The following DTNA variants were observed in gnomAD, a reference collection of about 807,000 sequenced individuals.
DTNA encodes dystrobrevin alpha.
DTNA carries 43 observed loss-of-function variants against 100.7 expected under a neutral mutation model. The observed-to-expected ratio is 0.43, with a 90% CI of 0.33 to 0.55. DTNA has a LOEUF of 0.55. DTNA is among the 20% of genes least tolerant of loss of function. DTNA has a pLI of 0.04. For synonymous variants in DTNA, 349 were observed against 347.9 expected (o/e 1.00, Z -0.04); for missense variants, 798 against 953.9 (o/e 0.84, Z 2.15).
At chr18:34,501,669 T>A (rs1005453380) in intron 1 of DTNA, among the ~76,000 whole-genome samples, 1 of 152,204 alleles carries the variant, frequency 6.6e-6, no homozygotes, top group Non-Finnish European at 1.5e-5. Context: ...GTGCTAGGGC[T>A]GACATAAAAT....
chr18:34,525,177 A>T (rs1312499964), intron 1 of DTNA, among the ~76,000 whole-genome samples: 1 of 152,164 alleles, frequency 6.6e-6, no homozygotes, highest in Non-Finnish European at 1.5e-5. Flanking sequence ...TGACTCCCAA[A>T]GAATAATGAG....
intron 1 of DTNA, among the ~76,000 whole-genome samples, chr18:34,642,998 C>G (rs1288187844): frequency 6.6e-6 from 1 of 152,232 alleles, no homozygotes; most frequent in Non-Finnish European, 1.5e-5. Flanking sequence ...ATGTGAGTAA[C>G]TAGCATGCCA....
chr18:34,496,041 C>T (rs916302273), intron 1 of DTNA, among the ~76,000 whole-genome samples: 2 of 152,032 alleles, frequency 1.3e-5, no homozygotes, highest in Non-Finnish European at 2.9e-5. Flanking sequence ...CTTTAATTCT[C>T]ATCTTTCACT....
At chr18:34,833,617 A>G (rs1486016728) in intron 11 of DTNA, among the ~76,000 whole-genome samples, 1 of 152,206 alleles carries the variant, frequency 6.6e-6, no homozygotes, top group African/African-American at 2.4e-5. Flanking sequence ...CCTCAAAGGT[A>G]TGGCTGTTCC....
chr18:34,829,668 T>C (rs752040690), intron 11 of DTNA, among the ~76,000 whole-genome samples, 179 bp downstream of exon 11: 2 of 152,198 alleles, frequency 1.3e-5, no homozygotes, highest in African/African-American at 4.8e-5. Context: ...TGCAGCTCTT[T>C]CCTCTCCTTT....
chr18:34,518,136 A>G (rs1340950638), intron 1 of DTNA, among the ~76,000 whole-genome samples: 1 of 152,196 alleles, frequency 6.6e-6, no homozygotes, highest in East Asian at 1.9e-4. Context: ...ATACATGTGT[A>G]GTAATATCTC....
chr18:34,523,757 T>C (rs1358092263), intron 1 of DTNA, among the ~76,000 whole-genome samples: 2 of 152,194 alleles, frequency 1.3e-5, no homozygotes, highest in Non-Finnish European at 2.9e-5. Context: ...TTGTCTTTTA[T>C]CATATTAATT....
intron 1 of DTNA, among the ~76,000 whole-genome samples, chr18:34,497,072 T>C (rs1289802214): frequency 6.6e-6 from 1 of 152,102 alleles, no homozygotes; most frequent in Non-Finnish European, 1.5e-5. Flanking sequence ...TTGCAAAGAG[T>C]TATTTAGGTT....
chr18:34,866,713 C>T (rs2096708737), intron 17 of DTNA: 2 of 996,314 alleles, frequency 2.0e-6, no homozygotes, highest in Non-Finnish European at 1.2e-6. Context: ...GAGAGAAAGA[C>T]TGTACTCCAT....
At chr18:34,765,643 C>T (rs1378900133) in intron 2 of DTNA, among the ~76,000 whole-genome samples, 2 of 152,154 alleles carry the variant, frequency 1.3e-5, no homozygotes, top group Non-Finnish European at 2.9e-5. Context: ...CTCGCTGTTT[C>T]ACTGTAGGTC....
In DTNA at chr18:34,890,295, C is replaced by A; in HGVS notation, c.*2561C>A. 1.3e-6 allele frequency: 2 copies of A among 1,535,558 alleles called. No individual in the cohort carries two copies. The highest frequency in any genetic ancestry group is 1.7e-6 in the Non-Finnish European group (2 of 1,146,560). On this transcript the variant is annotated 3_prime_UTR_variant, in exon 23 of 23. Transcript: ENST00000444659. Reference sequence around the variant, plus strand: ...GACTAACCAGCCACCTTTTCTCTCTCTTAGCTCCACGTCAGCACTGAGACC... The same window carrying A: ...GACTAACCAGCCACCTTTTCTCTCTATTAGCTCCACGTCAGCACTGAGACC...
chr18:34,812,762 CA>C (rs2095511535), intron 6 of DTNA, among the ~76,000 whole-genome samples: 1 of 152,160 alleles, frequency 6.6e-6, no homozygotes, highest in Non-Finnish European at 1.5e-5. Flanking sequence ...CCCTCAGTGT[CA>C]TTATTTTTAC....
At position 34,889,290 on chromosome 18, in the gene DTNA, G is replaced by A. The variant is rs1218177819; in HGVS notation, c.*1556G>A. The A allele has an allele frequency of 5.1e-6, 5 of 983,602 alleles. No homozygotes were observed. Among genetic ancestry groups the A allele is most frequent in the Non-Finnish European group, 6.0e-6 (5 of 828,346 alleles). The allele number at this position is 983,602 out of a possible 1,614,324, so 60.9% of individuals were successfully genotyped here. ...AGCAGCATCTGCAACACTTAGGAAG[G>A]TCTTCGAAATACTAATTTGTAAGCC... is the stretch of plus-strand genomic sequence containing the variant. On this transcript the variant is annotated 3_prime_UTR_variant, in exon 23 of 23. Coordinates refer to ENST00000444659, the MANE Select transcript of DTNA (RefSeq NM_001386795.1).
At chr18:34,883,312 C>A (rs1013389474) in intron 21 of DTNA, among the ~76,000 whole-genome samples, 15 of 147,268 alleles carry the variant, frequency 1.0e-4, no homozygotes, top group African/African-American at 1.2e-4. Flanking sequence ...TTCTTTTTTC[C>A]TTTTTTTTTT....
At chr18:34,818,479 C>T (rs2095642084) in intron 8 of DTNA, 149 bp downstream of exon 8, 8 of 1,528,634 alleles carry the variant, frequency 5.2e-6, no homozygotes, top group South Asian at 4.9e-5. Context: ...CCACTCTCCA[C>T]CCTACTGCGT....
intron 1 of DTNA, among the ~76,000 whole-genome samples, chr18:34,593,033 A>T (rs2049918665): frequency 6.6e-6 from 1 of 152,216 alleles, no homozygotes; most frequent in African/African-American, 2.4e-5. Context: ...TTTGGAAGTC[A>T]GTTGGTTTCT....
chr18:34,819,176 T>G (rs1380397860), intron 8 of DTNA, among the ~76,000 whole-genome samples: 1 of 152,194 alleles, frequency 6.6e-6, no homozygotes, highest in Non-Finnish European at 1.5e-5. Context: ...ATCCAACCTA[T>G]TTATGAGTTT....
intron 1 of DTNA, among the ~76,000 whole-genome samples, chr18:34,670,173 G>C (rs35466373): frequency 7.2e-4 from 110 of 152,028 alleles, no homozygotes; most frequent in African/African-American, 2.6e-3. Flanking sequence ...TCATTCATTT[G>C]GTCTTCCATC....
upstream of DTNA, among the ~76,000 whole-genome samples, chr18:34,709,910 G>T (rs1227505303): frequency 1.3e-5 from 2 of 152,180 alleles, no homozygotes; most frequent in African/African-American, 4.8e-5. Flanking sequence ...TTCTAAAGGA[G>T]CTGTGGGATT....
Sources: gnomAD v4.1 joint callset for allele counts (sites outside exome capture counted in the v4.1 genomes callset) on GRCh38, gnomAD v4.1.1 for gene constraint, MANE v1.5 for transcripts, NCBI Gene and HGNC (gene_info 2026-07-23, HGNC 2026-07-21) for gene names.